Variants in SH3RF1 observed in about 807,000 individuals in gnomAD.
SH3RF1 encodes the protein E3 ubiquitin-protein ligase SH3RF1.
SH3RF1 carries 32 observed loss-of-function variants against 74.0 expected under a neutral mutation model. That is an observed-to-expected ratio of 0.43 (90% CI 0.33 to 0.58). SH3RF1 has a LOEUF of 0.58. SH3RF1 is among the 20% of genes least tolerant of loss of function. SH3RF1 has a pLI of 0.05. For missense variants in SH3RF1, 954 were observed against 1,130.9 expected, an observed-to-expected ratio of 0.84 and a Z score of 2.24; for synonymous variants, 396 against 439.6, an observed-to-expected ratio of 0.90 and a Z score of 1.24.
chr4:169,103,833 C>G (rs1489619865), intron 11 of SH3RF1, among the ~76,000 whole-genome samples: 1 of 152,234 alleles, frequency 6.6e-6, no homozygotes, highest in South Asian at 2.1e-4. Flanking sequence ...AAAATATAAA[C>G]TTGGGTAGAA....
intron 11 of SH3RF1, among the ~76,000 whole-genome samples, chr4:169,105,321 T>C (rs1733115656): frequency 6.6e-6 from 1 of 152,224 alleles, no homozygotes; most frequent in Non-Finnish European, 1.5e-5. Flanking sequence ...GTATACTTCA[T>C]GATGCTTTCC....
intron 10 of SH3RF1, among the ~76,000 whole-genome samples, chr4:169,110,070 G>C (rs1357977192): frequency 7.1e-6 from 1 of 141,630 alleles, no homozygotes; most frequent in African/African-American, 2.6e-5. Flanking sequence ...AAAATCATTT[G>C]AACAAAGAAA....
intron 2 of SH3RF1, among the ~76,000 whole-genome samples, chr4:169,176,254 G>A (rs1187009009): frequency 2.0e-5 from 3 of 152,170 alleles, no homozygotes; most frequent in African/African-American, 4.8e-5. Context: ...TCAATGGGGA[G>A]CAGCCTGGAT....
At chr4:169,169,372 G>A (rs776277683) in intron 2 of SH3RF1, among the ~76,000 whole-genome samples, 2 of 151,954 alleles carry the variant, frequency 1.3e-5, no homozygotes, top group African/African-American at 2.4e-5. Context: ...TGAGGCAGGC[G>A]GATCATATGA....
At chr4:169,155,764 G>T (rs1194741238) in intron 3 of SH3RF1, among the ~76,000 whole-genome samples, 189 bp from the exon 4 acceptor site, 1 of 152,174 alleles carries the variant, frequency 6.6e-6, no homozygotes, top group Non-Finnish European at 1.5e-5. Flanking sequence ...CCCACCTGGT[G>T]TCCTTTCCAA....
chr4:169,137,968 A>G (rs7655930), intron 4 of SH3RF1, among the ~76,000 whole-genome samples: 14,577 of 152,274 alleles, frequency 0.096, 927 homozygotes, highest in South Asian at 0.18. Context: ...GTTTCTCCAC[A>G]TGATAATCAT....
chr4:169,217,777 T>A (rs1579144352), intron 2 of SH3RF1, among the ~76,000 whole-genome samples: 4 of 152,298 alleles, frequency 2.6e-5, no homozygotes, highest in East Asian at 1.9e-4. Flanking sequence ...TGGCTAGTGA[T>A]GGTCGCTCAA....
chr4:169,170,030 C>T (rs2126972597), intron 2 of SH3RF1, among the ~76,000 whole-genome samples: 1 of 150,962 alleles, frequency 6.6e-6, no homozygotes, highest in South Asian at 2.1e-4. Flanking sequence ...ACAATTTTAT[C>T]AATAGATAGA....
intron 11 of SH3RF1, 55 bp downstream of exon 11, chr4:169,106,792 G>A (rs1294550940): frequency 2.2e-6 from 3 of 1,353,102 alleles, no homozygotes; most frequent in Non-Finnish European, 3.0e-6. Flanking sequence ...TAATGTTCCA[G>A]CCTAAAGCCT....
chr4:169,216,622 G>A lies in SH3RF1; in HGVS notation c.393+52198C>T, dbSNP rs138761106. ...ATGGGAAGCTGAGGTGGAAAAATCA[G>A]TTGAGCCCAGTGGTTTGAGACCAGC... is the stretch of plus-strand genomic sequence containing the variant. On this transcript the variant is annotated intron_variant, in intron 2 of 11. Transcript: ENST00000284637. Among the ~76,000 whole-genome samples the A allele has an allele frequency of 2.2e-4, 34 of 152,214 alleles. No individual in the cohort carries two copies. The South Asian group carries it at 2.9e-3, about 13-fold the overall frequency.
rs573329636 is a variant in SH3RF1, at chr4:169,135,954, T to C, written c.1068+364A>G. ...AACGTCACGAGTTTGGACCATGGCATCTTAAATCTGGGTGGAGATAAAGTT... is the reference window on the plus strand; with the variant it reads ...AACGTCACGAGTTTGGACCATGGCACCTTAAATCTGGGTGGAGATAAAGTT... On this transcript the variant is annotated intron_variant, in intron 5 of 11. Coordinates refer to ENST00000284637, the MANE Select transcript of SH3RF1 (RefSeq NM_020870.4). Among the ~76,000 whole-genome samples, 9 of 152,352 alleles carry C rather than the reference T, an allele frequency of 5.9e-5. No homozygotes were observed. In the South Asian group the frequency reaches 1.9e-3, roughly 32 times the overall value.
chr4:169,176,848 T>C (rs1734429355), intron 2 of SH3RF1, among the ~76,000 whole-genome samples: 1 of 152,250 alleles, frequency 6.6e-6, no homozygotes, highest in South Asian at 2.1e-4. Context: ...CCAATTTATA[T>C]AGTTCCTTGA....
intron 2 of SH3RF1, among the ~76,000 whole-genome samples, chr4:169,212,086 C>T (rs1320868642): frequency 4.3e-4 from 19 of 43,850 alleles, no homozygotes; most frequent in East Asian, 7.3e-4. Flanking sequence ...TTTTTTGAGA[C>T]AGAGTTTTGC....
In SH3RF1 at chr4:169,117,512, T is replaced by A. The variant is rs377729008; in HGVS notation, c.1777+11A>T. 6.2e-7 allele frequency: 1 copy of A among 1,612,950 alleles called. No individual in the cohort carries two copies. Among genetic ancestry groups the A allele is most frequent in the Non-Finnish European group, 8.5e-7 (1 of 1,178,934 alleles). ...TTATCCTGATATGTTCTGGCCTGGGTTCCTCCTTACCTGTCCTCACAGCAT... is the reference window on the plus strand; with the variant it reads ...TTATCCTGATATGTTCTGGCCTGGGATCCTCCTTACCTGTCCTCACAGCAT... On this transcript the variant is annotated intron_variant, in intron 9 of 11. Coordinates refer to ENST00000284637, the MANE Select transcript of SH3RF1 (RefSeq NM_020870.4).
chr4:169,147,053 G>A (rs748124972), intron 4 of SH3RF1, among the ~76,000 whole-genome samples: 1 of 152,186 alleles, frequency 6.6e-6, no homozygotes, highest in Non-Finnish European at 1.5e-5. Flanking sequence ...AGCAACAGAT[G>A]TACAGTCTAT....
intron 2 of SH3RF1, among the ~76,000 whole-genome samples, chr4:169,223,898 G>C (rs1008263596): frequency 2.0e-5 from 3 of 152,148 alleles, no homozygotes; most frequent in Admixed American, 6.5e-5. Context: ...CAGAACAGTT[G>C]GGCATATTTA....
chr4:169,211,138 C>T (rs1240129602), intron 2 of SH3RF1, among the ~76,000 whole-genome samples: 4 of 152,116 alleles, frequency 2.6e-5, no homozygotes. Flanking sequence ...TCTCTACTGA[C>T]CTTTGGTGAG....
intron 2 of SH3RF1, among the ~76,000 whole-genome samples, chr4:169,205,766 A>G (rs1467626020): frequency 1.3e-5 from 2 of 152,240 alleles, no homozygotes; most frequent in Admixed American, 1.3e-4. Context: ...TGACTCAAGG[A>G]AAGCAAAAGA....
chr4:169,096,372 T>TAA lies in SH3RF1; in HGVS notation c.*145_*146dup. On this transcript the variant is annotated 3_prime_UTR_variant, in exon 12 of 12. Transcript: ENST00000284637. Reference sequence around the variant, plus strand: ...ATCTTCTTCATTCTGCTCGCTGGGGTAACTGTGCTGGGGCATCAGAGTCAC... The same window carrying TAA: ...ATCTTCTTCATTCTGCTCGCTGGGGTAAAACTGTGCTGGGGCATCAGAGTCAC... 1.3e-6 allele frequency: 1 copy of TAA among 773,248 alleles called. No homozygotes were observed. Among genetic ancestry groups the TAA allele is most frequent in the Non-Finnish European group, 2.1e-6 (1 of 484,934 alleles). The allele number at this position is 773,248 out of a possible 1,614,324, so 47.9% of individuals were successfully genotyped here.
Sources: gnomAD v4.1 joint callset for allele counts (sites outside exome capture counted in the v4.1 genomes callset) on GRCh38, gnomAD v4.1.1 for gene constraint, MANE v1.5 for transcripts, NCBI Gene and HGNC (gene_info 2026-07-23, HGNC 2026-07-21) for gene names.